Variants in RABL6 observed in about 807,000 individuals in gnomAD.
The protein encoded by RABL6 is rab-like protein 6.
A neutral mutation model predicts 72.9 loss-of-function variants in RABL6; 28 were observed. The observed-to-expected ratio is 0.38, with a 90% confidence interval of 0.28 to 0.53. The LOEUF (loss-of-function observed/expected upper bound fraction) is 0.53, where lower values mean the gene tolerates loss of function less well. RABL6 is among the 20% of genes least tolerant of loss of function. The pLI, the probability that RABL6 is intolerant of heterozygous loss-of-function variation, is 0.80. For missense variants in RABL6, 1,029 were observed against 1,008.4 expected, an observed-to-expected ratio of 1.02 and a Z score of -0.28; for synonymous variants, 477 against 421.2, an observed-to-expected ratio of 1.13 and a Z score of -1.62.
chr9:136,822,202 G>GA, intron 1 of RABL6: 1 of 875,538 alleles, frequency 1.1e-6, no homozygotes, highest in Non-Finnish European at 1.5e-6. Flanking sequence ...CCTGGGGGGG[G>GA]CGTTGCGGGA....
rs750668496 is a variant in RABL6 at position 136,835,770 on chromosome 9, C to G, written c.734C>G (p.Thr245Arg). 2.6e-6 allele frequency: 4 copies of G among 1,550,628 alleles called. No individual in the cohort carries two copies. In the South Asian group the frequency reaches 4.8e-5, roughly 18 times the overall value. Residue 245 changes from threonine to arginine, a missense_variant, in exon 8 of 15, where the codon ACG becomes AGG. Physicochemically the swap from Thr to Arg is moderately conservative, Grantham distance 71 (BLOSUM62 -1). Around this residue, in one of 2 missense-constraint regions of RABL6, gnomAD observed 434 missense variants for 536.1 expected, o/e 0.81. Transcript: ENST00000311502. ...QRETLLRQLE[T>R]NQLDMDATLE... is the part of the protein sequence containing the mutation. ...GAGACGCTGTTGCGGCAGCTGGAGA[C>G]GAACCAGCTGGACATGGACGCCACG... is the stretch of plus-strand genomic sequence containing the variant.
chr9:136,836,177 G>C (rs1204980416), intron 8 of RABL6: 3 of 280,994 alleles, frequency 1.1e-5, no homozygotes, highest in African/African-American at 6.6e-5. Context: ...TGCCAGCATG[G>C]GGTGTGCTTT....
chr9:136,833,685 C>G (rs978919819), intron 7 of RABL6: 3 of 1,548,926 alleles, frequency 1.9e-6, no homozygotes, highest in Admixed American at 2.0e-5. Context: ...ACCTGGGGCC[C>G]AGCTGCAGCT....
chr9:136,830,345 C>T (rs527251531), intron 5 of RABL6, among the ~76,000 whole-genome samples: 2 of 152,378 alleles, frequency 1.3e-5, no homozygotes, highest in East Asian at 1.9e-4. Flanking sequence ...ATGCTCTGGG[C>T]CTCTGCCAAC....
chr9:136,832,597 G>A (rs753349161), intron 7 of RABL6: 91 of 601,150 alleles, frequency 1.5e-4, no homozygotes, highest in Non-Finnish European at 2.5e-4. Flanking sequence ...CTCCACCTCT[G>A]CGGGGACCCC....
intron 7 of RABL6, 189 bp from the exon 8 acceptor site, chr9:136,835,553 G>C (rs1206869704): frequency 1.8e-6 from 1 of 565,266 alleles, no homozygotes; most frequent in African/African-American, 1.9e-5. Context: ...CACCGCAGAG[G>C]AATCCTCTGG....
At chr9:136,818,953 T>C (rs963782131) in intron 1 of RABL6, among the ~76,000 whole-genome samples, 2 of 152,152 alleles carry the variant, frequency 1.3e-5, no homozygotes, top group African/African-American at 4.8e-5. Flanking sequence ...GTTGAAAACT[T>C]AAGGGTTCCC....
intron 14 of RABL6, 25 bp from the exon 15 acceptor site, chr9:136,840,297 G>A (rs1434560655): frequency 6.2e-7 from 1 of 1,606,616 alleles, no homozygotes; most frequent in Non-Finnish European, 8.5e-7. Context: ...GTGACTCCAT[G>A]GCGCCCCATC....
intron 3 of RABL6, 79 bp from the exon 4 acceptor site, chr9:136,828,415 G>A: frequency 6.9e-7 from 1 of 1,455,204 alleles, no homozygotes. Flanking sequence ...GGGCTGAGTG[G>A]CCATGGGGGG....
At chr9:136,812,611 CAAGG>C (rs1327416051) in intron 1 of RABL6, among the ~76,000 whole-genome samples, 1 of 151,964 alleles carries the variant, frequency 6.6e-6, no homozygotes, top group East Asian at 1.9e-4. Flanking sequence ...TCAAAACAAA[CAAGG>C]AAGGTATTAC....
chr9:136,840,053 G>A (rs1848660492), intron 13 of RABL6, 101 bp from the exon 14 acceptor site: 2 of 1,553,364 alleles, frequency 1.3e-6, no homozygotes, highest in Admixed American at 1.7e-5. Flanking sequence ...CTCCTGGAGG[G>A]CTGGGGCTCG....
chr9:136,812,367 C>T (rs1469322502), intron 1 of RABL6, among the ~76,000 whole-genome samples: 1 of 152,086 alleles, frequency 6.6e-6, no homozygotes, highest in Non-Finnish European at 1.5e-5. Context: ...CAAGACCAAC[C>T]TGGCCAACAT....
chr9:136,840,967 G>C lies in RABL6; in HGVS notation c.*445G>C. The C allele has an allele frequency of 6.9e-7, 1 of 1,455,642 alleles. No homozygotes were observed. Among genetic ancestry groups the C allele is most frequent in the Admixed American group, 2.7e-5 (1 of 37,346 alleles). 90.2% of individuals were successfully genotyped at this position (1,455,642 alleles called of 1,614,324 possible). ...GGTTCCGCTTCCGGCCGGGAGCCCT[G>C]AACACGGGTGTGCAGACTCACCCTA... On this transcript the variant is annotated 3_prime_UTR_variant, in exon 15 of 15. Transcript: ENST00000311502.
At position 136,828,542 on chromosome 9, in the gene RABL6, A is replaced by G. The variant is rs1450935755; in HGVS notation, c.362A>G (p.Gln121Arg). The G allele has an allele frequency of 3.1e-6, 5 of 1,613,136 alleles. No individual in the cohort carries two copies. Among genetic ancestry groups the G allele is most frequent in the Non-Finnish European group, 4.2e-6 (5 of 1,179,752 alleles). ...GDGLKMENDP[Q>R]EAESEMALDA... ...GGCTTAAAGATGGAGAACGACCCCC[A>G]GGAGGTGAGTGCCAGGTACACAGTG... The change falls in exon 4 of 15, where the codon CAG (glutamine) becomes CGG (arginine). Residue 121 changes from glutamine (Q) to arginine (R), a missense_variant. Gln to Arg is a conservative substitution (Grantham distance 43, BLOSUM62 1). Around this residue, in one of 2 missense-constraint regions of RABL6, gnomAD observed 434 missense variants for 536.1 expected, o/e 0.81. Transcript: ENST00000311502.
rs1202192265 is a variant in RABL6, at chr9:136,825,938, G to T, written c.313+112G>T. 8 of 1,286,982 alleles carry T rather than the reference G, an allele frequency of 6.2e-6. No homozygotes were observed. The Admixed American group carries it at 1.1e-4, about 17-fold the overall frequency. 79.7% of individuals were successfully genotyped at this position (1,286,982 alleles called of 1,614,324 possible). A position where few individuals can be genotyped will look rare whatever the true frequency, so the allele number is the denominator to read the frequency against. ...GCATCACCCACCATCCTCGTGGACG[G>T]TGCCCAGGGTCTTGCTGCTCTGCTC... On this transcript the variant is annotated intron_variant, in intron 3 of 14. Transcript: ENST00000311502.
chr9:136,809,684 C>G (rs914673587), intron 1 of RABL6: 2 of 155,448 alleles, frequency 1.3e-5, no homozygotes, highest in Middle Eastern at 3.3e-3. Flanking sequence ...TTCTTATACT[C>G]TAGAACATAC....
chr9:136,837,447 C>T lies in RABL6; in HGVS notation c.911C>T (p.Ala304Val). 1.3e-6 allele frequency: 2 copies of T among 1,569,590 alleles called. No individual in the cohort carries two copies. Among genetic ancestry groups the T allele is most frequent in the Non-Finnish European group, 8.6e-7 (1 of 1,159,930 alleles). The change falls in exon 9 of 15, where the codon GCA (alanine) becomes GTA (valine). Residue 304 changes from alanine to valine, a missense_variant. Ala to Val is a moderately conservative substitution (Grantham distance 64). Coordinates refer to ENST00000311502, the MANE Select transcript of RABL6 (RefSeq NM_024718.5). The stretch of plus-strand genomic sequence containing the variant: ...GGCTCCCAGTCACCAGTGGTGCCTG[C>T]AGGCGCTGTGTCCACGGGGAGCTCC... Reference protein sequence around the residue: ...SPGSQSPVVPAGAVSTGSSSP... With the variant: ...SPGSQSPVVPVGAVSTGSSSP...
intron 1 of RABL6, among the ~76,000 whole-genome samples, chr9:136,810,481 A>G (rs537708589): frequency 7.2e-5 from 11 of 152,218 alleles, no homozygotes; most frequent in Non-Finnish European, 1.3e-4. Context: ...ATAACATGCA[A>G]TTTTAAAACT....
rs1471957888 is a variant in RABL6, at chr9:136,837,987, G to T, written c.1252G>T (p.Ala418Ser). The T allele has an allele frequency of 1.9e-6, 3 of 1,568,552 alleles. No individual in the cohort carries two copies. The highest frequency in any genetic ancestry group is 2.6e-6 in the Non-Finnish European group (3 of 1,157,616). ...TPARDEKKVG[A>S]KAAQQDSDSD... ...CGCCAGGGACGAGAAGAAGGTGGGG[G>T]CCAAGGCTGCCCAGCAGGACAGCGA... is the stretch of plus-strand genomic sequence containing the variant. Residue 418 changes from alanine to serine, a missense_variant, in exon 10 of 15, where the codon GCC (alanine) becomes TCC (serine). Around this residue, in one of 2 missense-constraint regions of RABL6, gnomAD observed 595 missense variants for 472.4 expected, o/e 1.26. Transcript: ENST00000311502.
Sources: allele counts gnomAD v4.1 joint callset (sites outside exome capture counted in the v4.1 genomes callset), GRCh38; gene constraint gnomAD v4.1.1; regional missense constraint gnomAD v4.1.1; transcripts MANE v1.5; gene names NCBI Gene and HGNC (gene_info 2026-07-23, HGNC 2026-07-21).